Variants in DCT observed in about 807,000 individuals in gnomAD.
DCT encodes dopachrome tautomerase.
A neutral mutation model predicts 53.0 loss-of-function variants in DCT; 47 were observed. The observed-to-expected ratio is 0.89, with a 90% CI of 0.70 to 1.13. The LOEUF (loss-of-function observed/expected upper bound fraction) is 1.13. Ranked by LOEUF, DCT falls within the 50% of genes most tolerant of loss-of-function variation. The pLI is 0.00. For missense variants in DCT, 669 were observed against 637.4 expected (o/e 1.05, Z -0.53); for synonymous variants, 244 against 237.0 (o/e 1.03, Z -0.27).
At chr13:94,540,632 G>C in the DCT span, among the ~76,000 whole-genome samples, 435 of 152,248 alleles carry the variant, frequency 2.9e-3, 1 homozygote, top group African/African-American at 0.01. Flanking sequence ...GTTAAAATGT[G>C]TTTTATCGAA....
chr13:94,478,524 G>A (rs1357126018), intron 1 of DCT, among the ~76,000 whole-genome samples: 1 of 152,168 alleles, frequency 6.6e-6, no homozygotes, highest in Admixed American at 6.5e-5. Flanking sequence ...GAGAAATGCT[G>A]AGACCAGAAC....
chr13:94,468,955 T>A lies in DCT; in HGVS notation c.386A>T (p.Asn129Ile). The change falls in exon 2 of 8, where the codon AAC becomes ATC. Residue 129 changes from asparagine to isoleucine, a missense_variant. Physicochemically the swap from Asn to Ile is moderately radical, Grantham distance 149. Coordinates refer to ENST00000377028, the MANE Select transcript of DCT (RefSeq NM_001922.5). ...ERKKPPVIRQ[N>I]IHSLSPQERE... Reference sequence around the variant, plus strand: ...TTCCTGAGGACTCAAGGAATGGATGTTCTGCCGAATCACTGGTGGTTTCTT... The same window carrying A: ...TTCCTGAGGACTCAAGGAATGGATGATCTGCCGAATCACTGGTGGTTTCTT... 6.2e-7 allele frequency: 1 copy of A among 1,614,168 alleles called. No individual in the cohort carries two copies.
At chr13:94,442,615 A>G (rs985877707) in intron 7 of DCT, among the ~76,000 whole-genome samples, 4 of 152,240 alleles carry the variant, frequency 2.6e-5, no homozygotes, top group African/African-American at 9.6e-5. Flanking sequence ...ATATCCTCCC[A>G]TATGTTGAAC....
At chr13:94,462,311 C>A in intron 4 of DCT, 122 bp from the exon 5 acceptor site, 9 of 713,448 alleles carry the variant, frequency 1.3e-5, no homozygotes, top group Non-Finnish European at 2.2e-5. Context: ...AGTTTGAGAC[C>A]AGCTATGGCA....
chr13:94,530,752 C>A, the DCT span, among the ~76,000 whole-genome samples: 1 of 152,118 alleles, frequency 6.6e-6, no homozygotes, highest in African/African-American at 2.4e-5. Flanking sequence ...CCCTCTCTCA[C>A]CACTATTATT....
the DCT span, among the ~76,000 whole-genome samples, chr13:94,524,841 G>A: frequency 1.3e-5 from 2 of 152,008 alleles, no homozygotes; most frequent in East Asian, 3.9e-4. Context: ...GTTAAGATGA[G>A]GTCACAAGGG....
chr13:94,537,469 C>T, the DCT span, among the ~76,000 whole-genome samples: 3 of 152,156 alleles, frequency 2.0e-5, no homozygotes, highest in East Asian at 3.9e-4. Flanking sequence ...GGCAGATGGC[C>T]GTTCCTAAAC....
At chr13:94,512,284 T>C in the DCT span, among the ~76,000 whole-genome samples, 1 of 152,114 alleles carries the variant, frequency 6.6e-6, no homozygotes, top group Non-Finnish European at 1.5e-5. Flanking sequence ...ATTGAGATAA[T>C]AAAATTTGAG....
At chr13:94,457,565 A>G (rs10492627) in intron 6 of DCT, among the ~76,000 whole-genome samples, 1,750 of 152,288 alleles carry the variant, frequency 0.011, 30 homozygotes, top group African/African-American at 0.039. Flanking sequence ...CATTGCTAAG[A>G]TTAACATTAA....
At chr13:94,538,665 C>G in the DCT span, among the ~76,000 whole-genome samples, 1 of 152,186 alleles carries the variant, frequency 6.6e-6, no homozygotes, top group Admixed American at 6.5e-5. Context: ...CAGGTTCGTT[C>G]AGGTTATGGG....
At chr13:94,528,330 A>T in the DCT span, among the ~76,000 whole-genome samples, 1 of 152,164 alleles carries the variant, frequency 6.6e-6, no homozygotes, top group East Asian at 1.9e-4. Context: ...CCCAAGACAC[A>T]TAATTGTCAG....
chr13:94,466,501 T>G (rs894665754), intron 3 of DCT, 57 bp downstream of exon 3: 1 of 1,116,980 alleles, frequency 9.0e-7, no homozygotes, highest in Non-Finnish European at 1.3e-6. Flanking sequence ...ATGCCTTAAA[T>G]ATATACAATA....
At chr13:94,476,634 C>T (rs1228003209) in intron 1 of DCT, among the ~76,000 whole-genome samples, 2 of 151,986 alleles carry the variant, frequency 1.3e-5, no homozygotes, top group South Asian at 2.1e-4. Context: ...CATCACCACA[C>T]CTCGCTAATT....
At chr13:94,476,124 A>G (rs969294542) in intron 1 of DCT, among the ~76,000 whole-genome samples, 7 of 150,616 alleles carry the variant, frequency 4.6e-5, no homozygotes, top group African/African-American at 1.7e-4. Context: ...GCCTGGACTT[A>G]AAGAACAGGC....
chr13:94,484,467 A>C (rs1301066883), upstream of DCT, among the ~76,000 whole-genome samples: 1 of 152,184 alleles, frequency 6.6e-6, no homozygotes, highest in African/African-American at 2.4e-5. Flanking sequence ...ATTCGTATGG[A>C]ATTGCCTTTT....
Position 94,479,447 on chromosome 13 carries a change from C to T in DCT, c.-192G>A, listed in dbSNP as rs184050532. On this transcript the variant is annotated 5_prime_UTR_variant, in exon 1 of 8. Transcript: ENST00000377028. Reference sequence around the variant, plus strand: ...ACATGTGTGCACATGTGTACATGAACGTGCACACACAATTTTATGTGATTC... The same window carrying T: ...ACATGTGTGCACATGTGTACATGAATGTGCACACACAATTTTATGTGATTC... The T allele has an allele frequency of 1.9e-5, 10 of 540,042 alleles. No individual in the cohort carries two copies. Among genetic ancestry groups the T allele is most frequent in the South Asian group, 3.1e-5 (1 of 31,858 alleles). The allele number at this position is 540,042 out of a possible 1,614,324, so 33.5% of individuals were successfully genotyped here.
chr13:94,457,627 T>G (rs750235882), intron 6 of DCT, among the ~76,000 whole-genome samples: 1 of 152,176 alleles, frequency 6.6e-6, no homozygotes, highest in Non-Finnish European at 1.5e-5. Flanking sequence ...TCACACAATC[T>G]AACTGGATAA....
chr13:94,503,628 C>T, the DCT span, among the ~76,000 whole-genome samples: 1 of 152,190 alleles, frequency 6.6e-6, no homozygotes, highest in Non-Finnish European at 1.5e-5. Context: ...TGCAGTGATA[C>T]TGTCACAAGC....
chr13:94,512,237 T>G, the DCT span, among the ~76,000 whole-genome samples: 1 of 152,164 alleles, frequency 6.6e-6, no homozygotes, highest in Non-Finnish European at 1.5e-5. Flanking sequence ...CTGCTTCACA[T>G]GGATTGCCTC....
Sources: allele counts gnomAD v4.1 joint callset (sites outside exome capture counted in the v4.1 genomes callset), GRCh38; gene constraint gnomAD v4.1.1; transcripts MANE v1.5; gene names NCBI Gene and HGNC (gene_info 2026-07-23, HGNC 2026-07-21).